GATA2: variants seen among roughly 807,000 people sequenced by gnomAD.
The protein encoded by GATA2 is GATA binding protein 2.
Under a neutral mutation model 35.7 loss-of-function variants are expected in GATA2, and 6 were observed. The ratio of observed to expected loss-of-function variants is 0.17; its 90% CI spans 0.09 to 0.33. GATA2 has a LOEUF of 0.33. Ranked by LOEUF, GATA2 falls within the 10% of genes least tolerant of loss-of-function variation. The pLI is 1.00. For missense variants in GATA2, 541 were observed against 656.6 expected (o/e 0.82, Z 1.92); for synonymous variants, 313 against 274.9 (o/e 1.14, Z -1.37).
At chr3:128,482,515 C>T (rs2068643027) in intron 4 of GATA2, among the ~76,000 whole-genome samples, 1 of 152,180 alleles carries the variant, frequency 6.6e-6, no homozygotes, top group African/African-American at 2.4e-5. Flanking sequence ...AATTAAAAAC[C>T]CAGTTCCCTC....
rs1179739809 is a variant in GATA2, at chr3:128,484,007, T to C, written c.872-2A>G. On this transcript the variant is annotated splice_acceptor_variant, in intron 3 of 5. Coordinates refer to ENST00000341105, the MANE Select transcript of GATA2 (RefSeq NM_032638.5). LOFTEE classifies it high-confidence loss of function. Reference sequence around the variant, plus strand: ...CACAGTTGACACACTCCCGGCCTTCTGCAGGGGAACAGGGAGAGACACGGG... The same window carrying C: ...CACAGTTGACACACTCCCGGCCTTCCGCAGGGGAACAGGGAGAGACACGGG... 11 of 1,613,138 alleles carry C rather than the reference T, an allele frequency of 6.8e-6. No homozygotes were observed. The highest frequency in any genetic ancestry group is 9.3e-6 in the Non-Finnish European group (11 of 1,179,940).
rs777726701 is a variant in GATA2, at chr3:128,481,060, C to A, written c.1402G>T (p.Gly468Cys). Residue 468 changes from glycine to cysteine, a missense_variant, in exon 6 of 6, where the codon GGC (glycine) becomes TGC (cysteine). Gly to Cys is a radical substitution (Grantham distance 159). Transcript: ENST00000341105. ...ACCATGCTGGACGGGTGGGGGTGGC[C>A]GAAGGAGAGGCTGGAGGAGGGGTGG... is the stretch of plus-strand genomic sequence containing the variant. ...PIHPSSSLSF[G>C]HPHPSSMVTA... 3 of 1,598,772 alleles carry A rather than the reference C, an allele frequency of 1.9e-6. No homozygotes were observed. The East Asian group carries it at 6.7e-5, about 36-fold the overall frequency.
chr3:128,490,241 T>C (rs1206987127), intron 1 of GATA2: 1 of 152,218 alleles, frequency 6.6e-6, no homozygotes, highest in Non-Finnish European at 1.5e-5. Context: ...TGCCCAAACG[T>C]CAGCCCTGTG....
At chr3:128,486,631 T>C (rs2068703359) in intron 2 of GATA2, among the ~76,000 whole-genome samples, 172 bp downstream of exon 2, 1 of 152,102 alleles carries the variant, frequency 6.6e-6, no homozygotes, top group African/African-American at 2.4e-5. Flanking sequence ...AGAAACCCTG[T>C]GGGTCCCAGA....
chr3:128,484,044 C>G (rs2068663854), intron 3 of GATA2, 39 bp from the exon 4 acceptor site: 1 of 1,604,120 alleles, frequency 6.2e-7, no homozygotes, highest in Admixed American at 1.7e-5. Context: ...GCCTGCTTAA[C>G]CGGCAAGTTC....
chr3:128,481,411 C>T (rs1355663332), intron 5 of GATA2, 93 bp from the exon 6 acceptor site: 1 of 1,407,770 alleles, frequency 7.1e-7, no homozygotes, highest in East Asian at 2.3e-5. Context: ...GCAGGTCAAG[C>T]TGAGGGTCCC....
At chr3:128,492,281 T>G (rs1486644852) in intron 1 of GATA2, 1 of 152,262 alleles carries the variant, frequency 6.6e-6, no homozygotes, top group Non-Finnish European at 1.5e-5. Flanking sequence ...GAACGCCGTC[T>G]ACGCCTACCG....
chr3:128,480,357 G>T lies in GATA2; in HGVS notation c.*662C>A, dbSNP rs961289307. On this transcript the variant is annotated 3_prime_UTR_variant, in exon 6 of 6. Transcript: ENST00000341105. Reference sequence around the variant, plus strand: ...ACGTTTCCCCTTTCAAGAAAATGTTGTTTCCTTCCTGTGACCCAGCCCTGG... The same window carrying T: ...ACGTTTCCCCTTTCAAGAAAATGTTTTTTCCTTCCTGTGACCCAGCCCTGG... The T allele has an allele frequency of 4.3e-6, 1 of 233,468 alleles. No homozygotes were observed. The highest frequency in any genetic ancestry group is 8.5e-6 in the Non-Finnish European group (1 of 118,190). 14.5% of individuals were successfully genotyped at this position (233,468 alleles called of 1,614,324 possible).
chr3:128,485,836 C>G lies in GATA2; in HGVS notation c.762G>C (p.Pro254=). ...CGCTGCTGTAGTCGTGGGCAGCCGC[C>G]GGCACATAGGAGGGGTAGGTGGGGA... The part of the protein sequence containing the change: ...HPIPTYPSYV[P]AAAHDYSSGL... The change falls in exon 3 of 6, where the codon CCG becomes CCC. Residue 254 remains proline (P), a synonymous_variant. Transcript: ENST00000341105. 6.2e-7 allele frequency: 1 copy of G among 1,613,970 alleles called. No individual in the cohort carries two copies. Among genetic ancestry groups the G allele is most frequent in the Non-Finnish European group, 8.5e-7 (1 of 1,179,902 alleles).
intron 3 of GATA2, among the ~76,000 whole-genome samples, chr3:128,485,463 G>C (rs1237924337): frequency 1.3e-5 from 2 of 152,200 alleles, no homozygotes; most frequent in Admixed American, 6.5e-5. Context: ...CCTGTTCTAT[G>C]TTCTGGTCAG....
rs1415762927 is a variant in GATA2, at chr3:128,481,933, T to C, written c.1029A>G (p.Arg343=). ...IKPKRRLSAA[R]RAGTCCANCQ... ...AATTTGCACAACAGGTGCCGGCTCT[T>C]CTGGCGGCCGACTGGGAGGGCAAGG... Residue 343 remains arginine, a synonymous_variant, in exon 5 of 6, where the codon AGA becomes AGG. Transcript: ENST00000341105. 9.9e-6 allele frequency: 16 copies of C among 1,613,402 alleles called. No individual in the cohort carries two copies. Among genetic ancestry groups the C allele is most frequent in the Non-Finnish European group, 1.4e-5 (16 of 1,179,962 alleles).
In GATA2 at chr3:128,486,276, C is replaced by G. The variant is rs1435547673; in HGVS notation, c.322G>C (p.Ala108Pro). Residue 108 changes from alanine to proline, a missense_variant, in exon 3 of 6, where the codon GCT (alanine) becomes CCT (proline). By Grantham distance (27) the Ala-to-Pro change is conservative (BLOSUM62 -1). Transcript: ENST00000341105. The stretch of plus-strand genomic sequence containing the variant: ...CAGGGGTTGTGGTGGTGGGCCGCAG[C>G]GGCAGAGAGGGCTGCTTTGCCCCCG... Reference protein sequence around the residue: ...LDGGKAALSAAAAHHHNPWTV... With the variant: ...LDGGKAALSAPAAHHHNPWTV... The G allele has an allele frequency of 1.9e-6, 3 of 1,577,022 alleles. No individual in the cohort carries two copies. The highest frequency in any genetic ancestry group is 2.6e-6 in the Non-Finnish European group (3 of 1,162,976).
At chr3:128,485,088 C>T (rs1253345662) in intron 3 of GATA2, among the ~76,000 whole-genome samples, 4 of 152,224 alleles carry the variant, frequency 2.6e-5, no homozygotes, top group Non-Finnish European at 4.4e-5. Flanking sequence ...GGAAAAGGGG[C>T]GGGGGCACTG....
At chr3:128,491,533 G>C in intron 1 of GATA2, among the ~76,000 whole-genome samples, 1 of 152,186 alleles carries the variant, frequency 6.6e-6, no homozygotes, top group Admixed American at 6.5e-5. Flanking sequence ...TTAGATCTCA[G>C]GCCAGCAGCC....
Position 128,481,801 on chromosome 3 carries a change from G to T in GATA2, c.1143+18C>A, listed in dbSNP as rs373994017. On this transcript the variant is annotated intron_variant, in intron 5 of 5. Coordinates refer to ENST00000341105, the MANE Select transcript of GATA2 (RefSeq NM_032638.5). ...GTCCCCTGGGAGGGGCGGGGTGGCC[G>T]GGGCGGGGCGCACTCACATTGTGCA... 34 of 1,608,534 alleles carry T rather than the reference G, an allele frequency of 2.1e-5. No homozygotes were observed. The South Asian group carries it at 3.7e-4, about 18-fold the overall frequency.
intron 1 of GATA2, among the ~76,000 whole-genome samples, chr3:128,491,435 C>A (rs986098563): frequency 1.3e-5 from 2 of 152,166 alleles, no homozygotes; most frequent in African/African-American, 4.8e-5. Flanking sequence ...GCCTCCCAGC[C>A]CCACACTGGC....
intron 4 of GATA2, among the ~76,000 whole-genome samples, chr3:128,482,412 C>T (rs768737001): frequency 2.0e-5 from 3 of 152,176 alleles, no homozygotes; most frequent in Non-Finnish European, 2.9e-5. Context: ...CTGAGGCCAG[C>T]GCAGGTTTAC....
rs1324030303 is a variant in GATA2 at position 128,487,076 on chromosome 3, C to T, written c.-45G>A. 1.3e-6 allele frequency: 2 copies of T among 1,486,388 alleles called. No homozygotes were observed. The highest frequency in any genetic ancestry group is 4.9e-5 in the East Asian group (2 of 40,608). 92.1% of individuals were successfully genotyped at this position (1,486,388 alleles called of 1,614,324 possible). On this transcript the variant is annotated splice_region_variant and 5_prime_UTR_variant, in exon 2 of 6. Transcript: ENST00000341105. ...GGGTCTGGGTGCAGACGGCAACGGC[C>T]CTGCGCGAGGAAGGGGGAGTGAGGC...
In GATA2 at chr3:128,485,978, T is replaced by C. The variant is rs2107672269; in HGVS notation, c.620A>G (p.Asp207Gly). 2 of 1,614,104 alleles carry C rather than the reference T, an allele frequency of 1.2e-6. No homozygotes were observed. Among genetic ancestry groups the C allele is most frequent in the Non-Finnish European group, 1.7e-6 (2 of 1,179,998 alleles). Residue 207 changes from aspartate (D) to glycine (G), a missense_variant, in exon 3 of 6, where the codon GAC becomes GGC. Around this residue, in one of 5 missense-constraint regions of GATA2, gnomAD observed 389 missense variants for 396.9 expected, o/e 0.98. Coordinates refer to ENST00000341105, the MANE Select transcript of GATA2 (RefSeq NM_032638.5). ...CACCTGGTACTTGACGCCGTCCTTG[T>C]CCTCTCCTCGGGCTGCACTACCCCC... ...SAGGSAARGE[D>G]KDGVKYQVSL...
Sources: allele counts gnomAD v4.1 joint callset (sites outside exome capture counted in the v4.1 genomes callset), GRCh38; gene constraint gnomAD v4.1.1; regional missense constraint gnomAD v4.1.1; transcripts MANE v1.5; gene names NCBI Gene and HGNC (gene_info 2026-07-23, HGNC 2026-07-21).